Variants in CNNM2 observed in about 807,000 individuals in gnomAD.
CNNM2 encodes the protein cyclin and CBS domain divalent metal cation transport mediator 2.
Under a neutral mutation model 66.9 loss-of-function variants are expected in CNNM2, and 12 were observed. That is an observed-to-expected ratio of 0.18 (90% CI 0.11 to 0.29). CNNM2 has a LOEUF of 0.29. CNNM2 is among the 10% of genes least tolerant of loss of function. The pLI, the probability that CNNM2 is intolerant of heterozygous loss-of-function variation, is 1.00. For missense variants in CNNM2, 705 were observed against 1,167.7 expected (o/e 0.60, Z 5.77); for synonymous variants, 557 against 501.8 (o/e 1.11, Z -1.47).
intron 1 of CNNM2, among the ~76,000 whole-genome samples, chr10:103,013,407 G>A (rs1056427546): frequency 1.3e-5 from 2 of 152,146 alleles, no homozygotes; most frequent in African/African-American, 4.8e-5. Flanking sequence ...GTCATTTGAT[G>A]TCTGTTGAAG....
chr10:103,077,061 T>C lies in CNNM2; in HGVS notation c.2509T>C (p.Leu837=), dbSNP rs376765519. The change falls in exon 8 of 8, where the codon TTG becomes CTG. Residue 837 remains leucine (L), a synonymous_variant. Transcript: ENST00000369878. ...AGACAGTGAAAACACTAAAATCGAA[T>C]TGACTCTTACGGAGCTGCATGACGG... ...SSDSENTKIE[L]TLTELHDGLP... is the part of the protein sequence containing the mutation. 3.3e-4 allele frequency: 526 copies of C among 1,613,964 alleles called. No homozygotes were observed. The highest frequency in any genetic ancestry group is 3.7e-4 in the Non-Finnish European group (434 of 1,179,888).
chr10:103,049,430 G>A (rs570365679), intron 1 of CNNM2, among the ~76,000 whole-genome samples: 1 of 152,294 alleles, frequency 6.6e-6, no homozygotes, highest in East Asian at 1.9e-4. Flanking sequence ...TTGCCGAAAG[G>A]TTACGCAACA....
intron 1 of CNNM2, among the ~76,000 whole-genome samples, chr10:102,959,725 C>T (rs537897794): frequency 3.3e-5 from 5 of 152,222 alleles, no homozygotes; most frequent in African/African-American, 9.6e-5. Context: ...TACAGGCATG[C>T]GCCACTGCAG....
chr10:103,073,320 A>G (rs908506840), intron 6 of CNNM2, among the ~76,000 whole-genome samples: 1 of 152,252 alleles, frequency 6.6e-6, no homozygotes, highest in Non-Finnish European at 1.5e-5. Context: ...TTACTGCAGG[A>G]GGCCTCAGAC....
intron 6 of CNNM2, 71 bp downstream of exon 6, chr10:103,071,910 TG>T: frequency 7.3e-7 from 1 of 1,371,778 alleles, no homozygotes. Context: ...CCTGGCTGGC[TG>T]GGTCTGCTCC....
intron 2 of CNNM2, among the ~76,000 whole-genome samples, chr10:103,053,676 C>T (rs1437052874): frequency 6.6e-6 from 1 of 152,170 alleles, no homozygotes; most frequent in Non-Finnish European, 1.5e-5. Flanking sequence ...ACCCACATAG[C>T]CTAAAATATT....
chr10:103,054,545 TG>T lies in CNNM2; in HGVS notation c.1903+84del, dbSNP rs2134338720. ...TCACCCACCACTGACTGGGGTGGGT[TG>T]GGGGTGGACACTGGGAAATGGGGTG... On this transcript the variant is annotated intron_variant, in intron 3 of 7. Coordinates refer to ENST00000369878, the MANE Select transcript of CNNM2 (RefSeq NM_017649.5). The surrounding 1 kb of genome is among the most constrained non-coding windows in gnomAD (Gnocchi z 5.2). The T allele has an allele frequency of 1.4e-6, 2 of 1,466,858 alleles. No individual in the cohort carries two copies. The highest frequency in any genetic ancestry group is 2.8e-5 in the African/African-American group (2 of 71,194). The allele number at this position is 1,466,858 out of a possible 1,614,324, so 90.9% of individuals were successfully genotyped here.
chr10:102,982,646 A>G (rs1018904221), intron 1 of CNNM2, among the ~76,000 whole-genome samples: 7 of 152,178 alleles, frequency 4.6e-5, no homozygotes, highest in African/African-American at 1.7e-4. Flanking sequence ...GGGCTTTCCG[A>G]TATAAGTAAT....
chr10:103,061,478 CAG>C (rs2065385115), intron 4 of CNNM2, among the ~76,000 whole-genome samples: 1 of 152,004 alleles, frequency 6.6e-6, no homozygotes, highest in African/African-American at 2.4e-5. Flanking sequence ...AAAATATGAA[CAG>C]AGTCAGTGTT....
intron 1 of CNNM2, among the ~76,000 whole-genome samples, chr10:102,964,992 C>T (rs371760121): frequency 4.6e-5 from 7 of 152,160 alleles, no homozygotes; most frequent in Admixed American, 1.3e-4. Flanking sequence ...GGTGTGAAGA[C>T]ACAGCGTTCC....
chr10:103,071,830 G>A lies in CNNM2; in HGVS notation c.2224G>A (p.Gly742Ser). ...VVSRTELLAA[G>S]SPGENKSPPR... is the part of the protein sequence containing the mutation. Reference sequence around the variant, plus strand: ...CAGCAGAACAGAGTTGTTAGCAGCAGGTTCTCCAGGTAATTCTGCATGCTT... The same window carrying A: ...CAGCAGAACAGAGTTGTTAGCAGCAAGTTCTCCAGGTAATTCTGCATGCTT... Residue 742 changes from glycine (G) to serine (S), a missense_variant, in exon 6 of 8, where the codon GGT becomes AGT. This residue lies in a region of CNNM2 where 194 missense variants were observed against 227.6 expected (regional missense o/e 0.85). Transcript: ENST00000369878. 1 of 1,613,792 alleles carries A rather than the reference G, an allele frequency of 6.2e-7. No individual in the cohort carries two copies. Among genetic ancestry groups the A allele is most frequent in the African/African-American group, 1.3e-5 (1 of 75,022 alleles).
At chr10:102,935,587 A>G (rs192817129) in intron 1 of CNNM2, among the ~76,000 whole-genome samples, 2 of 150,178 alleles carry the variant, frequency 1.3e-5, no homozygotes, top group East Asian at 3.9e-4. Context: ...TATGAGCAGT[A>G]TGGTCCTTTA....
At chr10:102,964,229 C>CTT (rs201456012) in intron 1 of CNNM2, among the ~76,000 whole-genome samples, 1 of 145,808 alleles carries the variant, frequency 6.9e-6, no homozygotes. Flanking sequence ...ATTAGATATT[C>CTT]TTTTTTTTTT....
chr10:103,082,043 G>T lies in CNNM2; in HGVS notation c.*4863G>T, dbSNP rs1277977459. The T allele has an allele frequency of 6.6e-6, 1 of 152,198 alleles. No individual in the cohort carries two copies. The highest frequency in any genetic ancestry group is 1.9e-4 in the East Asian group (1 of 5,204). The allele number at this position is 152,198 out of a possible 1,614,324, so 9.4% of individuals were successfully genotyped here. On this transcript the variant is annotated 3_prime_UTR_variant, in exon 8 of 8. Coordinates refer to ENST00000369878, the MANE Select transcript of CNNM2 (RefSeq NM_017649.5). ...AACTTCAAGCATCATGGAAACAAAG[G>T]TTCTAGCTGCAAGAGAGTAAAGTTC... is the stretch of plus-strand genomic sequence containing the variant.
intron 1 of CNNM2, among the ~76,000 whole-genome samples, chr10:103,023,356 CAGCCTA>C (rs1380589908): frequency 1.3e-5 from 2 of 152,134 alleles, no homozygotes; most frequent in Non-Finnish European, 2.9e-5. Context: ...AGTTCGAGAC[CAGCCTA>C]ACCAAAATGG....
At chr10:102,939,545 G>A (rs1846353869) in intron 1 of CNNM2, among the ~76,000 whole-genome samples, 1 of 151,948 alleles carries the variant, frequency 6.6e-6, no homozygotes, top group Non-Finnish European at 1.5e-5. Flanking sequence ...TTTCTTTTTA[G>A]GTTCTTGATT....
intron 1 of CNNM2, among the ~76,000 whole-genome samples, chr10:103,002,446 G>A (rs184963627): frequency 2.6e-5 from 4 of 151,662 alleles, no homozygotes; most frequent in Admixed American, 2.6e-4. Flanking sequence ...AACAAGCCTG[G>A]GCTGGCGAGG....
chr10:103,009,995 C>G (rs1159406630), intron 1 of CNNM2, among the ~76,000 whole-genome samples: 1 of 150,876 alleles, frequency 6.6e-6, no homozygotes, highest in Non-Finnish European at 1.5e-5. Context: ...TTAAACTTCA[C>G]TAATACAGAT....
intron 1 of CNNM2, among the ~76,000 whole-genome samples, chr10:102,980,630 T>G (rs770237503): frequency 2.0e-5 from 3 of 152,172 alleles, no homozygotes; most frequent in Non-Finnish European, 4.4e-5. Flanking sequence ...TTTTCTGTAT[T>G]TCCCCTCTCC....
Sources: allele counts gnomAD v4.1 joint callset (sites outside exome capture counted in the v4.1 genomes callset), GRCh38; gene constraint gnomAD v4.1.1; regional missense constraint gnomAD v4.1.1; non-coding constraint Gnocchi (gnomAD v3.1); transcripts MANE v1.5; gene names NCBI Gene and HGNC (gene_info 2026-07-23, HGNC 2026-07-21).